Variants in OR7C1 observed in about 807,000 individuals in gnomAD.
The protein encoded by OR7C1 is olfactory receptor 7C1.
For missense variants in OR7C1, 324 were observed against 383.3 expected, an observed-to-expected ratio of 0.85 and a Z score of 1.29; for synonymous variants, 152 against 160.7, an observed-to-expected ratio of 0.95 and a Z score of 0.41.
At position 14,827,717 on chromosome 19, in the gene OR7C1, G is replaced by A; in HGVS notation, c.-623+7357C>T. The A allele has an allele frequency of 2.5e-6, 4 of 1,614,108 alleles. No homozygotes were observed. The South Asian group carries it at 4.4e-5, about 18-fold the overall frequency. ...CCTGATTAAGTTCACAGAAAAAGTG[G>A]GGGATTTCTAAGGCTGTGCAGAAGG... On this transcript the variant is annotated intron_variant, in intron 1 of 4. Transcript: ENST00000641666.
At chr19:14,811,782 T>G (rs1763553381) in intron 1 of OR7C1, among the ~76,000 whole-genome samples, 1 of 151,968 alleles carries the variant, frequency 6.6e-6, no homozygotes, top group South Asian at 2.1e-4. Flanking sequence ...TTTCTGCTAC[T>G]GTAATTCACC....
intron 1 of OR7C1, among the ~76,000 whole-genome samples, chr19:14,812,241 G>A (rs2044694765): frequency 6.6e-6 from 1 of 152,178 alleles, no homozygotes; most frequent in Admixed American, 6.5e-5. Flanking sequence ...TCCATTGAGG[G>A]AAGAGAGAGA....
At chr19:14,799,509 A>C in exon 5 of OR7C1, 3 of 1,613,994 alleles carry the variant, frequency 1.9e-6, no homozygotes, top group South Asian at 1.1e-5. Context: ...CCAGTGAAGG[A>C]AATCACACCC....
At chr19:14,830,505 C>T (rs1032930312) in intron 1 of OR7C1, among the ~76,000 whole-genome samples, 1 of 152,150 alleles carries the variant, frequency 6.6e-6, no homozygotes. Flanking sequence ...AAAATAAAAG[C>T]GACCCTGGTT....
At chr19:14,824,599 C>G (rs1476822707) in intron 1 of OR7C1, 1 of 152,148 alleles carries the variant, frequency 6.6e-6, no homozygotes, top group African/African-American at 2.4e-5. Flanking sequence ...TGTGTACATA[C>G]TACATTTTCT....
At chr19:14,818,142 C>T (rs2044724960) in intron 1 of OR7C1, among the ~76,000 whole-genome samples, 3 of 151,238 alleles carry the variant, frequency 2.0e-5, no homozygotes, top group Admixed American at 2.0e-4. Flanking sequence ...TAGACTGGAG[C>T]GCAGTAGTGG....
chr19:14,827,290 A>C (rs769033321), intron 1 of OR7C1: 1 of 1,547,916 alleles, frequency 6.5e-7, no homozygotes, highest in South Asian at 1.3e-5. Context: ...AATCATGGGC[A>C]CTTCTTGAAA....
intron 1 of OR7C1, among the ~76,000 whole-genome samples, chr19:14,829,759 CCT>C (rs201373300): frequency 0.018 from 2,757 of 152,252 alleles, 81 homozygotes; most frequent in African/African-American, 0.063. Context: ...TGGGTTCTGG[CCT>C]CTGTTTCATT....
At position 14,810,614 on chromosome 19, in the gene OR7C1, T is replaced by C. The variant is rs183161962; in HGVS notation, c.-622-621A>G. Among the ~76,000 whole-genome samples, 302 of 150,942 alleles carry C rather than the reference T, an allele frequency of 2.0e-3. 4 individuals are homozygous for C. The highest frequency in any genetic ancestry group is 7.0e-3 in the African/African-American group (284 of 40,798). On this transcript the variant is annotated intron_variant, in intron 1 of 4. Transcript: ENST00000641666. ...GTTAGTCAGGATGGTCTCAATCTCC[T>C]GACCTCATGATCCGCCCGCCTCAGC...
At chr19:14,803,721 T>A (rs1448517654) in intron 2 of OR7C1, among the ~76,000 whole-genome samples, 3 of 151,738 alleles carry the variant, frequency 2.0e-5, no homozygotes, top group Non-Finnish European at 4.4e-5. Flanking sequence ...AATAATTTTT[T>A]TTTTTTGAGA....
chr19:14,807,914 A>C (rs1459987995), intron 2 of OR7C1, among the ~76,000 whole-genome samples: 8 of 151,716 alleles, frequency 5.3e-5, no homozygotes, highest in Admixed American at 3.9e-4. Flanking sequence ...AAACAAACAA[A>C]CAGTCTTTAG....
chr19:14,809,080 C>G (rs1385330639), intron 2 of OR7C1, among the ~76,000 whole-genome samples: 1 of 151,894 alleles, frequency 6.6e-6, no homozygotes, highest in Non-Finnish European at 1.5e-5. Flanking sequence ...TGGTGTGTTT[C>G]GAGTGACACT....
At position 14,810,419 on chromosome 19, in the gene OR7C1, G is replaced by A. The variant is rs558594062; in HGVS notation, c.-622-426C>T. 5.3e-5 allele frequency among the ~76,000 whole-genome samples: 8 copies of A among 150,976 alleles called. No individual in the cohort carries two copies. The East Asian group carries it at 7.8e-4, about 15-fold the overall frequency. ...TTTTGAGATGGAGTCTTGCTCTGTC[G>A]CCCAGGCTGGAGTGCAGTGGCGCAA... is the stretch of plus-strand genomic sequence containing the variant. On this transcript the variant is annotated intron_variant, in intron 1 of 4. Coordinates refer to ENST00000641666, the Ensembl canonical transcript of OR7C1.
chr19:14,799,344 T>G (rs2044626939), exon 5 of OR7C1: 1 of 1,614,020 alleles, frequency 6.2e-7, no homozygotes. Context: ...GAAGATGGTG[T>G]GGCTGCAGAA....
intron 1 of OR7C1, among the ~76,000 whole-genome samples, chr19:14,814,353 T>A (rs1480780500): frequency 1.3e-5 from 2 of 151,954 alleles, no homozygotes; most frequent in African/African-American, 4.8e-5. Flanking sequence ...TATCCTGATA[T>A]TAAAAAATGG....
rs953059974 is a variant in OR7C1 at position 14,815,792 on chromosome 19, T to C, written c.-622-5799A>G. ...GAGTCTCTGAGTTTGTGCGTGTGTG[T>C]GTGTGTGTGTGTGTGTGTGTGTGTC... On this transcript the variant is annotated intron_variant, in intron 1 of 4. Transcript: ENST00000641666. Among the ~76,000 whole-genome samples the C allele has an allele frequency of 7.3e-5, 11 of 151,262 alleles. No individual in the cohort carries two copies. In the South Asian group the frequency reaches 1.0e-3, roughly 14 times the overall value.
chr19:14,814,008 C>T (rs2044704794), intron 1 of OR7C1, among the ~76,000 whole-genome samples: 1 of 151,806 alleles, frequency 6.6e-6, no homozygotes, highest in Non-Finnish European at 1.5e-5. Context: ...TATTTCACAC[C>T]ATATACAAAA....
chr19:14,818,259 A>T (rs2044725674), intron 1 of OR7C1, among the ~76,000 whole-genome samples: 1 of 151,638 alleles, frequency 6.6e-6, no homozygotes, highest in Non-Finnish European at 1.5e-5. Flanking sequence ...CGCCCGGCTA[A>T]TTTTTTTGAA....
intron 1 of OR7C1, among the ~76,000 whole-genome samples, chr19:14,813,728 C>A (rs1316726686): frequency 6.6e-6 from 1 of 152,026 alleles, no homozygotes; most frequent in Admixed American, 6.6e-5. Context: ...GGGGGCGTGC[C>A]AGACACTTAT....
Sources: allele counts gnomAD v4.1 joint callset (sites outside exome capture counted in the v4.1 genomes callset), GRCh38; gene constraint gnomAD v4.1.1; transcripts MANE v1.5; gene names NCBI Gene and HGNC (gene_info 2026-07-23, HGNC 2026-07-21).